ACLY: variants seen among roughly 807,000 people sequenced by gnomAD.
The protein encoded by ACLY is ATP-citrate synthase.
A neutral mutation model predicts 133.0 loss-of-function variants in ACLY; 41 were observed. The observed-to-expected ratio is 0.31, with a 90% CI of 0.24 to 0.40. The LOEUF is 0.40. Among genes scored for constraint, ACLY ranks in the 10% least tolerant of loss-of-function variants. ACLY has a pLI of 1.00. For missense variants in ACLY, 1,046 were observed against 1,453.8 expected (o/e 0.72, Z 4.56); for synonymous variants, 495 against 549.3 (o/e 0.90, Z 1.38).
intron 10 of ACLY, chr17:41,904,399 A>T: frequency 4.0e-6 from 1 of 249,068 alleles, no homozygotes; most frequent in East Asian, 8.3e-5. Flanking sequence ...AAGGAAGAGA[A>T]GGGAAGGAAA....
At position 41,878,888 on chromosome 17, in the gene ACLY, C is replaced by G. The variant is rs782635277; in HGVS notation, c.2302G>C (p.Ala768Pro). ...TTCTTGGCTACTGCAGTTTCAGAAG[C>G]CTGGTTGGCACAAGCTCCAGCATGG... ...FGHAGACANQ[A>P]SETAVAKNQA... is the part of the protein sequence containing the mutation. The change falls in exon 21 of 29, where the codon GCT becomes CCT. Residue 768 changes from alanine (A) to proline (P), a missense_variant. Transcript: ENST00000352035. The G allele has an allele frequency of 1.9e-6, 3 of 1,614,118 alleles. No homozygotes were observed. The highest frequency in any genetic ancestry group is 1.3e-5 in the African/African-American group (1 of 75,044).
intron 1 of ACLY, among the ~76,000 whole-genome samples, chr17:41,927,682 C>T (rs1477210427): frequency 5.3e-5 from 8 of 151,834 alleles, no homozygotes; most frequent in East Asian, 1.9e-4. Flanking sequence ...GAAAATTAGC[C>T]GGGCATGGTG....
At chr17:41,897,942 C>T (rs1449078475) in intron 12 of ACLY, 103 bp from the exon 13 acceptor site, 13 of 938,678 alleles carry the variant, frequency 1.4e-5, no homozygotes, top group Non-Finnish European at 1.9e-5. Flanking sequence ...AAAAATTATG[C>T]ACAGCAATGC....
intron 21 of ACLY, among the ~76,000 whole-genome samples, 164 bp from the exon 22 acceptor site, chr17:41,878,360 G>A (rs1328829360): frequency 6.6e-6 from 1 of 152,156 alleles, no homozygotes; most frequent in Non-Finnish European, 1.5e-5. Context: ...AGCCAAGACT[G>A]CACCTGCCCT....
intron 10 of ACLY, among the ~76,000 whole-genome samples, chr17:41,903,220 G>A (rs2049588482): frequency 6.6e-6 from 1 of 152,136 alleles, no homozygotes; most frequent in Admixed American, 6.6e-5. Flanking sequence ...TGACAGCATG[G>A]AATATTAATA....
intron 13 of ACLY, 28 bp from the exon 14 acceptor site, chr17:41,896,677 G>A (rs782384684): frequency 1.9e-6 from 3 of 1,560,458 alleles, no homozygotes; most frequent in Non-Finnish European, 2.6e-6. Context: ...CAAGGCAACT[G>A]AGTGACCCAC....
At position 41,867,885 on chromosome 17, in the gene ACLY, C is replaced by T; in HGVS notation, c.3231G>A (p.Lys1077=). ...MGFIGHYLDQ[K]RLKQGLYRHP... is the part of the protein sequence containing the mutation. ...GACGATACAGCCCCTGCTTCAGCCT[C>T]TTCTGATCAAGATAGTGTCCTAAAA... is the stretch of plus-strand genomic sequence containing the variant. Residue 1077 remains lysine, a synonymous_variant, in exon 29 of 29, where the codon AAG becomes AAA. Transcript: ENST00000352035. 6.2e-7 allele frequency: 1 copy of T among 1,610,894 alleles called. No individual in the cohort carries two copies.
chr17:41,869,553 T>C lies in ACLY; in HGVS notation c.2972A>G (p.Lys991Arg). The change falls in exon 26 of 29, where the codon AAA (lysine) becomes AGA (arginine). Residue 991 changes from lysine to arginine, a missense_variant. Coordinates refer to ENST00000352035, the MANE Select transcript of ACLY (RefSeq NM_001096.3). ...AGGGAAGTGCTGCCTGACGTAATCT[T>C]TGAGGATCTGCACTCGCATGTCTGG... ...NNPDMRVQIL[K>R]DYVRQHFPAT... 4 of 1,614,192 alleles carry C rather than the reference T, an allele frequency of 2.5e-6. No homozygotes were observed. The highest frequency in any genetic ancestry group is 2.5e-6 in the Non-Finnish European group (3 of 1,180,032).
chr17:41,899,727 A>G (rs1022006095), intron 11 of ACLY, among the ~76,000 whole-genome samples: 4 of 152,162 alleles, frequency 2.6e-5, no homozygotes, highest in Non-Finnish European at 5.9e-5. Flanking sequence ...CCCACTGCAC[A>G]TAGCAGATCC....
chr17:41,906,874 C>T (rs1430858963), intron 7 of ACLY, among the ~76,000 whole-genome samples: 1 of 152,210 alleles, frequency 6.6e-6, no homozygotes, highest in African/African-American at 2.4e-5. Context: ...CTTCCCATCT[C>T]CCTTCTCTGA....
intron 19 of ACLY, 93 bp from the exon 20 acceptor site, chr17:41,883,325 C>A: frequency 9.5e-7 from 1 of 1,054,756 alleles, no homozygotes. Context: ...CGGGCTTTGG[C>A]CAAATAAAAG....
chr17:41,878,243 G>A (rs927189779), intron 21 of ACLY, 47 bp from the exon 22 acceptor site: 1 of 1,403,534 alleles, frequency 7.1e-7, no homozygotes, highest in Admixed American at 2.3e-5. Context: ...TTCTTATTTT[G>A]GGCTCCTGTA....
intron 22 of ACLY, among the ~76,000 whole-genome samples, chr17:41,876,650 A>G (rs1307113130): frequency 5.3e-5 from 8 of 152,128 alleles, no homozygotes; most frequent in Non-Finnish European, 8.8e-5. Flanking sequence ...TGCTGTGTCC[A>G]CTCAGGGTTA....
chr17:41,886,382 C>T, intron 17 of ACLY, 74 bp from the exon 18 acceptor site: 1 of 1,428,948 alleles, frequency 7.0e-7, no homozygotes, highest in Non-Finnish European at 9.5e-7. Flanking sequence ...AAAGCCCCTG[C>T]ATTACTGCCC....
intron 1 of ACLY, among the ~76,000 whole-genome samples, chr17:41,918,199 G>A (rs2050106340): frequency 6.6e-6 from 1 of 152,190 alleles, no homozygotes; most frequent in Non-Finnish European, 1.5e-5. Context: ...AGGGTGGGGT[G>A]GCACCCCGGC....
At chr17:41,902,912 A>C (rs1324224703) in intron 10 of ACLY, among the ~76,000 whole-genome samples, 11 of 152,122 alleles carry the variant, frequency 7.2e-5, no homozygotes, top group African/African-American at 2.7e-4. Context: ...CTGCAGCCTC[A>C]ACCTCCGGGG....
chr17:41,912,866 C>T (rs1555633889), intron 2 of ACLY, among the ~76,000 whole-genome samples: 1 of 152,196 alleles, frequency 6.6e-6, no homozygotes, highest in Non-Finnish European at 1.5e-5. Flanking sequence ...CAACAGTAAG[C>T]CCCTCAGAAT....
At chr17:41,891,361 G>A (rs567594218) in intron 16 of ACLY, among the ~76,000 whole-genome samples, 1 of 152,110 alleles carries the variant, frequency 6.6e-6, no homozygotes, top group East Asian at 1.9e-4. Flanking sequence ...AGAGGATATA[G>A]TGGGGGTGGG....
chr17:41,916,522 C>T (rs540642688), intron 1 of ACLY, among the ~76,000 whole-genome samples: 10 of 135,986 alleles, frequency 7.4e-5, no homozygotes, highest in East Asian at 4.6e-4. Context: ...TACAGATGCA[C>T]GCCACCACGC....
Sources: gnomAD v4.1 joint callset for allele counts (sites outside exome capture counted in the v4.1 genomes callset) on GRCh38, gnomAD v4.1.1 for gene constraint, MANE v1.5 for transcripts, NCBI Gene and HGNC (gene_info 2026-07-23, HGNC 2026-07-21) for gene names.